The following PTPRT variants were observed in gnomAD, a reference collection of about 807,000 sequenced individuals.
The protein encoded by PTPRT is receptor-type tyrosine-protein phosphatase T.
Under a neutral mutation model 176.8 loss-of-function variants are expected in PTPRT, and 56 were observed. That is an observed-to-expected ratio of 0.32 (90% CI 0.26 to 0.40). PTPRT has a LOEUF of 0.40. Ranked by LOEUF, PTPRT falls within the 10% of genes least tolerant of loss-of-function variation. The pLI is 1.00. For missense variants in PTPRT, 1,540 were observed against 1,908.2 expected, an observed-to-expected ratio of 0.81 and a Z score of 3.60; for synonymous variants, 783 against 739.0, an observed-to-expected ratio of 1.06 and a Z score of -0.96.
intron 3 of PTPRT, among the ~76,000 whole-genome samples, chr20:42,786,607 C>A (rs777170778): frequency 1.3e-5 from 2 of 152,158 alleles, no homozygotes; most frequent in Non-Finnish European, 2.9e-5. Flanking sequence ...CCAGAAATGT[C>A]CTTTCCCCCC....
chr20:42,803,281 C>T (rs774744674), intron 2 of PTPRT, among the ~76,000 whole-genome samples: 2 of 152,278 alleles, frequency 1.3e-5, no homozygotes, highest in African/African-American at 2.4e-5. Context: ...CCTTGGGCCC[C>T]AAGCTAGACT....
Position 42,298,920 on chromosome 20 carries a change from C to CA in PTPRT, c.2140-16396dup, listed in dbSNP as rs202062289. 2.5e-3 allele frequency among the ~76,000 whole-genome samples: 369 copies of CA among 149,732 alleles called. 6 individuals carry two copies. In the East Asian group the frequency reaches 0.059, roughly 24 times the overall value. On this transcript the variant is annotated intron_variant, in intron 12 of 30. Coordinates refer to ENST00000373187, the MANE Select transcript of PTPRT (RefSeq NM_007050.6). ...CTGGTGACACAGCAAGACTCTGTCT[C>CA]AAAAAAACAAAACAAAACAAAACAA...
rs139174177 is a variant in PTPRT, at chr20:42,961,274, G to A, written c.89-75342C>T. ...TTCCATAAATGAAGAAGAAAAGAAGGTGGTGATAAAGATTGCTATGGTGCC... is the reference window on the plus strand; with the variant it reads ...TTCCATAAATGAAGAAGAAAAGAAGATGGTGATAAAGATTGCTATGGTGCC... On this transcript the variant is annotated intron_variant, in intron 1 of 30. Transcript: ENST00000373187. Among the ~76,000 whole-genome samples, 104 of 152,214 alleles carry A rather than the reference G, an allele frequency of 6.8e-4. 2 individuals carry two copies. The East Asian group carries it at 0.015, about 23-fold the overall frequency.
At chr20:42,993,982 T>C (rs991621392) in intron 1 of PTPRT, among the ~76,000 whole-genome samples, 1 of 152,182 alleles carries the variant, frequency 6.6e-6, no homozygotes, top group Admixed American at 6.5e-5. Flanking sequence ...TATAGTCTTC[T>C]CAGTGACAGA....
At chr20:42,479,028 T>C (rs2071337184) in intron 7 of PTPRT, among the ~76,000 whole-genome samples, 2 of 152,182 alleles carry the variant, frequency 1.3e-5, no homozygotes, top group Admixed American at 1.3e-4. Context: ...TACACTCCAA[T>C]TGTTAAGGGT....
chr20:42,126,253 GAGTGACTC>G (rs1987854411), intron 19 of PTPRT, among the ~76,000 whole-genome samples: 1 of 152,150 alleles, frequency 6.6e-6, no homozygotes, highest in Admixed American at 6.5e-5. Context: ...AGGACCCCAA[GAGTGACTC>G]ATTAAGAGCC....
intron 6 of PTPRT, among the ~76,000 whole-genome samples, chr20:42,682,099 T>C (rs1224426543): frequency 6.6e-6 from 1 of 152,168 alleles, no homozygotes; most frequent in African/African-American, 2.4e-5. Flanking sequence ...TTGATTTGGG[T>C]AATTAAATAA....
chr20:43,072,673 C>T (rs1361513158), intron 1 of PTPRT, among the ~76,000 whole-genome samples: 2 of 152,146 alleles, frequency 1.3e-5, no homozygotes, highest in African/African-American at 2.4e-5. Context: ...AACTAAGTTC[C>T]GTTCCTAATT....
intron 8 of PTPRT, among the ~76,000 whole-genome samples, chr20:42,471,508 G>A (rs2071197319): frequency 6.6e-6 from 1 of 152,150 alleles, no homozygotes; most frequent in African/African-American, 2.4e-5. Context: ...TCCACCATGA[G>A]TAAAAGCTCC....
At chr20:42,814,173 T>C (rs1375567601) in intron 2 of PTPRT, among the ~76,000 whole-genome samples, 1 of 152,226 alleles carries the variant, frequency 6.6e-6, no homozygotes, top group Non-Finnish European at 1.5e-5. Context: ...CTGTGTCTCC[T>C]GTTTCTTTCC....
chr20:42,289,013 A>T (rs1001597672), intron 12 of PTPRT, among the ~76,000 whole-genome samples: 1 of 152,112 alleles, frequency 6.6e-6, no homozygotes, highest in Admixed American at 6.6e-5. Flanking sequence ...GATGAAAAAA[A>T]TAAACAATGG....
intron 7 of PTPRT, among the ~76,000 whole-genome samples, chr20:42,565,496 A>T (rs1035755174): frequency 2.6e-4 from 40 of 151,884 alleles, no homozygotes; most frequent in African/African-American, 9.4e-4. Flanking sequence ...CTGGGCACAG[A>T]TGCAGCCCAG....
rs113326195 is a variant in PTPRT, at chr20:43,085,314, A to G, written c.88+104332T>C. On this transcript the variant is annotated intron_variant, in intron 1 of 30. Transcript: ENST00000373187. ...CACCAAACTCTACAAGGTGTATGGC[A>G]TTCAAGTAGTTTTGTGTTTGGCTAG... is the stretch of plus-strand genomic sequence containing the variant. Among the ~76,000 whole-genome samples the G allele has an allele frequency of 2.0e-3, 307 of 152,336 alleles. 3 individuals are homozygous for G. Among genetic ancestry groups the G allele is most frequent in the African/African-American group, 7.1e-3 (295 of 41,576 alleles).
At chr20:42,456,765 T>G (rs2145877575) in intron 8 of PTPRT, among the ~76,000 whole-genome samples, 1 of 152,236 alleles carries the variant, frequency 6.6e-6, no homozygotes, top group African/African-American at 2.4e-5. Flanking sequence ...TTGCATACAT[T>G]TTTTTCTCAT....
intron 7 of PTPRT, among the ~76,000 whole-genome samples, chr20:42,533,429 C>T (rs920067533): frequency 2.0e-5 from 3 of 152,162 alleles, no homozygotes; most frequent in Admixed American, 2.0e-4. Flanking sequence ...GACAAGGAAC[C>T]ATGATGTCTT....
chr20:43,042,492 G>T (rs1352448384), intron 1 of PTPRT, among the ~76,000 whole-genome samples: 1 of 152,030 alleles, frequency 6.6e-6, no homozygotes, highest in African/African-American at 2.4e-5. Flanking sequence ...GAAAGAGAAA[G>T]GGGCAAAACG....
chr20:42,588,669 G>C (rs950951534), intron 7 of PTPRT, among the ~76,000 whole-genome samples: 222 of 152,120 alleles, frequency 1.5e-3, no homozygotes, highest in African/African-American at 5.0e-3. Flanking sequence ...ATTGCACCTG[G>C]TTCCTATTTT....
At chr20:42,732,446 T>C (rs993678381) in intron 6 of PTPRT, among the ~76,000 whole-genome samples, 28 of 152,206 alleles carry the variant, frequency 1.8e-4, no homozygotes, top group Non-Finnish European at 4.1e-4. Context: ...ACAATGCATA[T>C]TTTAAATAGA....
intron 2 of PTPRT, among the ~76,000 whole-genome samples, chr20:42,861,552 TA>T (rs529581559): frequency 2.6e-5 from 4 of 151,786 alleles, no homozygotes; most frequent in Non-Finnish European, 4.4e-5. Context: ...CAGAACACAT[TA>T]AAAAAAACTA....
Sources: gnomAD v4.1 joint callset for allele counts (sites outside exome capture counted in the v4.1 genomes callset) on GRCh38, gnomAD v4.1.1 for gene constraint, MANE v1.5 for transcripts, NCBI Gene and HGNC (gene_info 2026-07-23, HGNC 2026-07-21) for gene names.